MAGI2: variants seen among roughly 807,000 people sequenced by gnomAD.
MAGI2 encodes the protein membrane-associated guanylate kinase, WW and PDZ domain-containing protein 2.
A neutral mutation model predicts 133.3 loss-of-function variants in MAGI2; 35 were observed. The observed-to-expected ratio is 0.26, with a 90% CI of 0.20 to 0.35. The LOEUF is 0.35. Among genes scored for constraint, MAGI2 ranks in the 10% least tolerant of loss-of-function variants. The pLI is 1.00. For missense variants in MAGI2, 1,636 were observed against 1,863.4 expected, an observed-to-expected ratio of 0.88 and a Z score of 2.25; for synonymous variants, 729 against 710.6, an observed-to-expected ratio of 1.03 and a Z score of -0.41.
chr7:78,782,077 C>G (rs1477638249), intron 2 of MAGI2, among the ~76,000 whole-genome samples: 1 of 152,072 alleles, frequency 6.6e-6, no homozygotes, highest in Non-Finnish European at 1.5e-5. Context: ...TTAGAAGTTA[C>G]CTTAAGAAAA....
At chr7:79,445,359 A>G in intron 1 of MAGI2, among the ~76,000 whole-genome samples, 1 of 152,210 alleles carries the variant, frequency 6.6e-6, no homozygotes, top group Non-Finnish European at 1.5e-5. Flanking sequence ...AAAAGAAACT[A>G]CCATCAGAGT....
At chr7:78,944,509 C>T (rs535413070) in intron 2 of MAGI2, among the ~76,000 whole-genome samples, 5 of 151,978 alleles carry the variant, frequency 3.3e-5, no homozygotes, top group Non-Finnish European at 7.4e-5. Flanking sequence ...GTCTGCATTC[C>T]CCTCCATAAA....
intron 2 of MAGI2, among the ~76,000 whole-genome samples, chr7:78,830,137 A>G (rs1185147399): frequency 6.6e-6 from 1 of 152,130 alleles, no homozygotes; most frequent in Non-Finnish European, 1.5e-5. Context: ...CAAGATTCCA[A>G]GCAATTTTAT....
chr7:78,370,470 T>C (rs1793808040), intron 6 of MAGI2, among the ~76,000 whole-genome samples: 1 of 152,006 alleles, frequency 6.6e-6, no homozygotes, highest in Admixed American at 6.6e-5. Flanking sequence ...GTCATCTGTA[T>C]TGGACCTACT....
chr7:78,481,735 A>T (rs1037746122), intron 6 of MAGI2, among the ~76,000 whole-genome samples: 2 of 151,884 alleles, frequency 1.3e-5, no homozygotes, highest in African/African-American at 2.4e-5. Context: ...ACCTTAACCT[A>T]ACTCTTATAC....
chr7:78,976,466 A>C (rs996657452), intron 2 of MAGI2, among the ~76,000 whole-genome samples: 4 of 151,382 alleles, frequency 2.6e-5, no homozygotes, highest in Non-Finnish European at 4.4e-5. Flanking sequence ...TAAGTAAATA[A>C]ATAAATAAAT....
At chr7:78,954,341 T>C (rs1380505965) in intron 2 of MAGI2, among the ~76,000 whole-genome samples, 2 of 152,114 alleles carry the variant, frequency 1.3e-5, no homozygotes, top group African/African-American at 4.8e-5. Context: ...TTTCTTTTTT[T>C]TTCCTCTGAA....
chr7:78,321,030 G>A (rs1194474551), intron 9 of MAGI2, among the ~76,000 whole-genome samples: 1 of 152,122 alleles, frequency 6.6e-6, no homozygotes, highest in Admixed American at 6.6e-5. Context: ...TTGCTACAAA[G>A]AGAATAAAAT....
At chr7:78,754,822 G>C (rs1823792156) in intron 2 of MAGI2, among the ~76,000 whole-genome samples, 1 of 152,142 alleles carries the variant, frequency 6.6e-6, no homozygotes, top group African/African-American at 2.4e-5. Context: ...TTCACCACTT[G>C]CATCTTAATT....
intron 1 of MAGI2, among the ~76,000 whole-genome samples, chr7:79,252,630 T>C (rs1833393082): frequency 1.3e-5 from 2 of 152,188 alleles, no homozygotes; most frequent in Admixed American, 6.5e-5. Flanking sequence ...ACACAACGAA[T>C]GAATAAATGT....
chr7:78,038,898 G>A (rs114768380), intron 21 of MAGI2, among the ~76,000 whole-genome samples: 5 of 152,328 alleles, frequency 3.3e-5, no homozygotes, highest in South Asian at 4.1e-4. Flanking sequence ...TCACGTTACC[G>A]GCATAGCCAG....
intron 2 of MAGI2, among the ~76,000 whole-genome samples, chr7:78,747,931 C>CTA (rs1823082174): frequency 1.3e-5 from 2 of 152,182 alleles, no homozygotes; most frequent in South Asian, 4.1e-4. Context: ...CACCATATGG[C>CTA]TACTCCACTG....
chr7:79,093,219 T>C (rs1255415926), intron 1 of MAGI2, among the ~76,000 whole-genome samples: 1 of 149,716 alleles, frequency 6.7e-6, no homozygotes, highest in Non-Finnish European at 1.5e-5. Flanking sequence ...AGCTCAGTTC[T>C]GAGAAACTGA....
intron 21 of MAGI2, among the ~76,000 whole-genome samples, chr7:78,042,241 G>A (rs1397213021): frequency 6.6e-6 from 1 of 152,172 alleles, no homozygotes; most frequent in Admixed American, 6.5e-5. Context: ...AGTGGTTGAG[G>A]AATATGTTCT....
chr7:78,237,238 AC>A (rs1464279028), intron 10 of MAGI2, among the ~76,000 whole-genome samples: 2 of 152,198 alleles, frequency 1.3e-5, no homozygotes, highest in African/African-American at 4.8e-5. Flanking sequence ...TCATCCAAAT[AC>A]TTAAGTGATA....
chr7:78,258,462 T>A (rs1013102840), intron 9 of MAGI2, among the ~76,000 whole-genome samples: 2 of 152,152 alleles, frequency 1.3e-5, no homozygotes, highest in Non-Finnish European at 2.9e-5. Flanking sequence ...GGAACATTGC[T>A]CATATTAGTT....
At chr7:79,345,811 G>T (rs1045844057) in intron 1 of MAGI2, among the ~76,000 whole-genome samples, 1 of 152,038 alleles carries the variant, frequency 6.6e-6, no homozygotes, top group Admixed American at 6.6e-5. Flanking sequence ...CATCTTAAGT[G>T]TATGCCTGAG....
chr7:78,759,546 T>C (rs1403318391), intron 2 of MAGI2, among the ~76,000 whole-genome samples: 2 of 152,202 alleles, frequency 1.3e-5, no homozygotes, highest in Non-Finnish European at 1.5e-5. Context: ...ATGTGAATGT[T>C]AAAATGGCAA....
intron 6 of MAGI2, among the ~76,000 whole-genome samples, chr7:78,397,326 T>C (rs987069011): frequency 6.6e-6 from 1 of 151,152 alleles, no homozygotes; most frequent in African/African-American, 2.4e-5. Flanking sequence ...ACCAAAGTAG[T>C]TGTGAAAGTA....
Sources: gnomAD v4.1 joint callset for allele counts (sites outside exome capture counted in the v4.1 genomes callset) on GRCh38, gnomAD v4.1.1 for gene constraint, MANE v1.5 for transcripts, NCBI Gene and HGNC (gene_info 2026-07-23, HGNC 2026-07-21) for gene names.